The following FAM193B variants were observed in gnomAD, a reference collection of about 807,000 sequenced individuals.
FAM193B encodes protein FAM193B.
FAM193B carries 27 observed loss-of-function variants against 70.7 expected under a neutral mutation model. The ratio of observed to expected loss-of-function variants is 0.38; its 90% CI spans 0.28 to 0.53. The LOEUF is 0.53. FAM193B is among the 20% of genes least tolerant of loss of function. The probability of loss-of-function intolerance (pLI) is 0.81; values close to 1 mark genes in which losing one functional copy is unlikely to be tolerated. For missense variants in FAM193B, 1,022 were observed against 1,072.5 expected, an observed-to-expected ratio of 0.95 and a Z score of 0.66; for synonymous variants, 448 against 436.0, an observed-to-expected ratio of 1.03 and a Z score of -0.34.
chr5:177,536,779 G>C (rs753396358), intron 3 of FAM193B, 34 bp from the exon 4 acceptor site: 45 of 1,541,318 alleles, frequency 2.9e-5, no homozygotes, highest in Middle Eastern at 4.6e-4. Context: ...GGGTCAGAAT[G>C]GGAGCCCAGA....
At chr5:177,548,113 T>A (rs1765694655) in intron 1 of FAM193B, among the ~76,000 whole-genome samples, 1 of 152,346 alleles carries the variant, frequency 6.6e-6, no homozygotes, top group South Asian at 2.1e-4. Context: ...CTCTTTTTTT[T>A]AGGCTCGATC....
chr5:177,541,875 C>A (rs935177895), intron 1 of FAM193B, among the ~76,000 whole-genome samples: 1 of 152,192 alleles, frequency 6.6e-6, no homozygotes, highest in Non-Finnish European at 1.5e-5. Context: ...AATGCACACC[C>A]TCCCACAATC....
intron 1 of FAM193B, among the ~76,000 whole-genome samples, chr5:177,541,418 CT>C (rs905646875): frequency 8.9e-4 from 134 of 150,216 alleles, no homozygotes; most frequent in African/African-American, 3.1e-3. Context: ...TCTCGAAATT[CT>C]TTTTTTTTTC....
At chr5:177,542,632 T>C (rs1764984692) in intron 1 of FAM193B, among the ~76,000 whole-genome samples, 1 of 152,228 alleles carries the variant, frequency 6.6e-6, no homozygotes, top group Non-Finnish European at 1.5e-5. Context: ...TCGCTAAAGG[T>C]GATTCCTTGC....
intron 7 of FAM193B, 85 bp from the exon 8 acceptor site, chr5:177,522,156 C>G: frequency 9.5e-7 from 1 of 1,057,614 alleles, no homozygotes. Context: ...ATGTCCCCAT[C>G]ACTAAGAGAC....
At chr5:177,543,090 C>A (rs909705686) in intron 1 of FAM193B, among the ~76,000 whole-genome samples, 2 of 152,172 alleles carry the variant, frequency 1.3e-5, no homozygotes, top group Admixed American at 6.6e-5. Context: ...TAAAAGACTG[C>A]ATTCTTTAGG....
chr5:177,541,848 C>T (rs1421577385), intron 1 of FAM193B, among the ~76,000 whole-genome samples: 1 of 152,142 alleles, frequency 6.6e-6, no homozygotes, highest in African/African-American at 2.4e-5. Flanking sequence ...AAAATGGTGT[C>T]ATATTTGTAT....
chr5:177,547,548 T>C (rs1765613632), intron 1 of FAM193B, among the ~76,000 whole-genome samples: 1 of 151,816 alleles, frequency 6.6e-6, no homozygotes. Context: ...CCTCCCAAAG[T>C]GCTGGGATTA....
At chr5:177,541,193 GGATA>G (rs1336547932) in intron 1 of FAM193B, among the ~76,000 whole-genome samples, 1 of 152,140 alleles carries the variant, frequency 6.6e-6, no homozygotes, top group African/African-American at 2.4e-5. Flanking sequence ...GGTGGAAGGT[GGATA>G]GAGAAGGATG....
At chr5:177,543,953 C>G (rs1581922517) in intron 1 of FAM193B, among the ~76,000 whole-genome samples, 1 of 152,258 alleles carries the variant, frequency 6.6e-6, no homozygotes, top group Admixed American at 6.5e-5. Context: ...GGAACTGATT[C>G]TTGAATCCAG....
intron 1 of FAM193B, among the ~76,000 whole-genome samples, chr5:177,545,120 T>C (rs1442668656): frequency 6.6e-6 from 1 of 152,222 alleles, no homozygotes; most frequent in Non-Finnish European, 1.5e-5. Context: ...CTCAGCTCAC[T>C]GCAACCTCCA....
intron 1 of FAM193B, among the ~76,000 whole-genome samples, chr5:177,546,167 C>T (rs1247955269): frequency 6.6e-6 from 1 of 152,246 alleles, no homozygotes; most frequent in African/African-American, 2.4e-5. Context: ...GCCAATTGTG[C>T]TAAGTGCCGG....
At chr5:177,528,059 G>A (rs1031693261) in intron 5 of FAM193B, among the ~76,000 whole-genome samples, 1 of 152,144 alleles carries the variant, frequency 6.6e-6, no homozygotes, top group Non-Finnish European at 1.5e-5. Context: ...TGGAGGACGA[G>A]GAGCTCACAA....
In FAM193B at chr5:177,524,677, G is replaced by A; in HGVS notation, c.1804C>T (p.Pro602Ser). 1 of 1,610,834 alleles carries A rather than the reference G, an allele frequency of 6.2e-7. No individual in the cohort carries two copies. The highest frequency in any genetic ancestry group is 8.5e-7 in the Non-Finnish European group (1 of 1,178,696). The change falls in exon 6 of 9, where the codon CCC becomes TCC. Residue 602 changes from proline to serine, a missense_variant. Coordinates refer to ENST00000514747, the MANE Select transcript of FAM193B (RefSeq NM_001190946.3). ...NLSRVIWVKT[P>S]KPGYPSSEEP... ...TCGGAGCTGGGGTAGCCCGGCTTGG[G>A]TGTCTTGACCCAGATCACCCGGGAT... is the stretch of plus-strand genomic sequence containing the variant.
At chr5:177,536,865 AGG>A in intron 3 of FAM193B, 120 bp from the exon 4 acceptor site, 1 of 1,329,718 alleles carries the variant, frequency 7.5e-7, no homozygotes, top group South Asian at 1.4e-5. Context: ...CTCTCAGCAC[AGG>A]GGACCCTGGA....
chr5:177,553,593 T>C (rs1240424995), intron 1 of FAM193B: 1 of 1,196,486 alleles, frequency 8.4e-7, no homozygotes, highest in Admixed American at 3.1e-5. Context: ...CTCAGCAGGA[T>C]TCTCCAAACC....
chr5:177,537,793 T>C (rs2127472767), intron 3 of FAM193B, 80 bp downstream of exon 3: 1 of 1,484,616 alleles, frequency 6.7e-7, no homozygotes, highest in East Asian at 2.4e-5. Flanking sequence ...AGTCTTATGA[T>C]TTGTTTGAAC....
intron 1 of FAM193B, among the ~76,000 whole-genome samples, chr5:177,548,585 C>T (rs930121497): frequency 6.6e-6 from 1 of 152,204 alleles, no homozygotes; most frequent in Non-Finnish European, 1.5e-5. Context: ...GACCCAGTCA[C>T]ATGTCAGAGT....
At chr5:177,539,369 C>T in intron 1 of FAM193B, 1 of 550,806 alleles carries the variant, frequency 1.8e-6, no homozygotes, top group Non-Finnish European at 3.1e-6. Flanking sequence ...AATGAGTTGC[C>T]CAAGGTTAAA....
Sources: allele counts gnomAD v4.1 joint callset (sites outside exome capture counted in the v4.1 genomes callset), GRCh38; gene constraint gnomAD v4.1.1; transcripts MANE v1.5; gene names NCBI Gene and HGNC (gene_info 2026-07-23, HGNC 2026-07-21).